The following SAMMSON variants were observed in gnomAD, a reference collection of about 807,000 sequenced individuals.
SAMMSON encodes long intergenic non-protein coding RNA 1212.
chr3:70,079,571 T>C (rs536981909), intron 4 of SAMMSON, among the ~76,000 whole-genome samples: 2 of 152,322 alleles, frequency 1.3e-5, no homozygotes, highest in South Asian at 2.1e-4. Context: ...AAATGAGATA[T>C]TCAGCACTTT....
At chr3:70,004,527 C>T (rs576032937) in intron 1 of SAMMSON, among the ~76,000 whole-genome samples, 37 of 152,222 alleles carry the variant, frequency 2.4e-4, no homozygotes, top group African/African-American at 7.9e-4. Context: ...ATAGCTAACA[C>T]CTAGGATTTC....
In SAMMSON at chr3:70,417,146, C is replaced by T. The variant is rs73105757; in HGVS notation, n.234-45414C>T. ...CAGATAGCTTGGCACAGGAGTAAAA[C>T]CCAACACGCTTTCCTGAATAGAGAA... On this transcript the variant is annotated intron_variant and non_coding_transcript_variant, in intron 2 of 3. Coordinates refer to the SAMMSON transcript ENST00000641053. Among the ~76,000 whole-genome samples the T allele has an allele frequency of 1.8e-3, 277 of 152,224 alleles. 2 individuals are homozygous for T. The highest frequency in any genetic ancestry group is 0.01 in the Middle Eastern group (3 of 294).
At chr3:70,018,556 A>C (rs1418383809) in intron 3 of SAMMSON, among the ~76,000 whole-genome samples, 1 of 151,926 alleles carries the variant, frequency 6.6e-6, no homozygotes, top group African/African-American at 2.4e-5. Context: ...GATTTTTTTG[A>C]AGGGTTTTTT....
chr3:70,018,863 T>C (rs2066998478), intron 3 of SAMMSON, among the ~76,000 whole-genome samples: 1 of 152,202 alleles, frequency 6.6e-6, no homozygotes, highest in South Asian at 2.1e-4. Context: ...CAGGAGCAGG[T>C]TGTTCAGTTT....
At position 70,237,695 on chromosome 3, in the gene SAMMSON, A is replaced by G. The variant is rs144289521; in HGVS notation, n.508-11412A>G. Reference sequence around the variant, plus strand: ...GTTAACCTTTTGTTATCTAACATGTATACACACACAGATTATAAGCAACTC... The same window carrying G: ...GTTAACCTTTTGTTATCTAACATGTGTACACACACAGATTATAAGCAACTC... On this transcript the variant is annotated intron_variant and non_coding_transcript_variant, in intron 4 of 9. Transcript: ENST00000642114. Among the ~76,000 whole-genome samples, 854 of 152,362 alleles carry G rather than the reference A, an allele frequency of 5.6e-3. 8 individuals carry two copies. Among genetic ancestry groups the G allele is most frequent in the African/African-American group, 0.02 (820 of 41,586 alleles).
At chr3:70,019,245 G>C (rs1282881922) in intron 3 of SAMMSON, among the ~76,000 whole-genome samples, 1 of 152,174 alleles carries the variant, frequency 6.6e-6, no homozygotes, top group African/African-American at 2.4e-5. Context: ...CTAAGGACTT[G>C]CTTTATGAAT....
At chr3:70,174,269 A>C (rs1700989017) in intron 4 of SAMMSON, among the ~76,000 whole-genome samples, 1 of 152,026 alleles carries the variant, frequency 6.6e-6, no homozygotes, top group African/African-American at 2.4e-5. Context: ...TGTACTAGGA[A>C]ACTGTATTAT....
At chr3:70,228,631 C>CT (rs199862446) in intron 4 of SAMMSON, among the ~76,000 whole-genome samples, 4,167 of 126,912 alleles carry the variant, frequency 0.033, 153 homozygotes, top group Admixed American at 0.11. Flanking sequence ...AGTTTTCTTA[C>CT]TTTTTTTTTT....
intron 4 of SAMMSON, among the ~76,000 whole-genome samples, chr3:70,147,342 A>C (rs1435948964): frequency 6.6e-6 from 1 of 152,054 alleles, no homozygotes. Context: ...TGAAAAGACA[A>C]GAGATTTACA....
chr3:70,064,847 C>T (rs1243555121), intron 3 of SAMMSON, among the ~76,000 whole-genome samples: 2 of 151,908 alleles, frequency 1.3e-5, no homozygotes, highest in Non-Finnish European at 2.9e-5. Flanking sequence ...GTATGCATGG[C>T]GTGTGTACAG....
At chr3:70,423,886 A>T (rs1701332694) in intron 2 of SAMMSON, among the ~76,000 whole-genome samples, 1 of 152,218 alleles carries the variant, frequency 6.6e-6, no homozygotes, top group South Asian at 2.1e-4. Flanking sequence ...ATTACTAGGT[A>T]TCTTCAGTGG....
In SAMMSON at chr3:70,001,137, G is replaced by T. The variant is rs546391487; in HGVS notation, n.22+1270G>T. Among the ~76,000 whole-genome samples the T allele has an allele frequency of 1.1e-4, 17 of 151,972 alleles. No individual in the cohort carries two copies. In the South Asian group the frequency reaches 3.3e-3, roughly 30 times the overall value. Reference sequence around the variant, plus strand: ...TGGGTCATTGATAACAACAATCCCCGAACTTCTTAAAGAATTGTTGAGCCC... The same window carrying T: ...TGGGTCATTGATAACAACAATCCCCTAACTTCTTAAAGAATTGTTGAGCCC... On this transcript the variant is annotated intron_variant and non_coding_transcript_variant, in intron 1 of 9. Transcript: ENST00000642114.
At chr3:70,101,337 C>T (rs1237161835) in intron 4 of SAMMSON, among the ~76,000 whole-genome samples, 12 of 151,756 alleles carry the variant, frequency 7.9e-5, no homozygotes, top group Admixed American at 7.9e-4. Context: ...CTTATAATTA[C>T]TTATTTTCTA....
intron 4 of SAMMSON, chr3:70,125,509 A>C: frequency 1.4e-6 from 1 of 715,372 alleles, no homozygotes. Flanking sequence ...TGATGTTCAA[A>C]TTAGGTTTGG....
intron 6 of SAMMSON, among the ~76,000 whole-genome samples, chr3:70,272,527 C>A (rs1456972431): frequency 6.6e-6 from 1 of 152,200 alleles, no homozygotes; most frequent in Non-Finnish European, 1.5e-5. Flanking sequence ...TGGATGTTTC[C>A]TGTTTTTAGG....
chr3:70,405,554 A>G (rs1013801944), intron 2 of SAMMSON, among the ~76,000 whole-genome samples: 2 of 152,210 alleles, frequency 1.3e-5, no homozygotes, highest in African/African-American at 4.8e-5. Context: ...AAAAACTAAA[A>G]TAACAGATTC....
At chr3:70,030,709 C>A (rs2107583690) in intron 3 of SAMMSON, 3 of 152,130 alleles carry the variant, frequency 2.0e-5, no homozygotes, top group Middle Eastern at 6.8e-3. Context: ...AATAAATAAT[C>A]CAATTCAAAA....
At chr3:70,228,426 A>G (rs1701528337) in intron 4 of SAMMSON, among the ~76,000 whole-genome samples, 1 of 150,664 alleles carries the variant, frequency 6.6e-6, no homozygotes, top group African/African-American at 2.4e-5. Context: ...TAGGCTGCCA[A>G]AAAAAAAATA....
chr3:70,432,840 T>A (rs574573103), intron 2 of SAMMSON, among the ~76,000 whole-genome samples: 1 of 152,156 alleles, frequency 6.6e-6, no homozygotes. Context: ...CCAGAATCCC[T>A]CATAACCACT....
Sources: allele counts gnomAD v4.1 joint callset (sites outside exome capture counted in the v4.1 genomes callset), GRCh38; gene constraint gnomAD v4.1.1; transcripts MANE v1.5; gene names NCBI Gene and HGNC (gene_info 2026-07-23, HGNC 2026-07-21).